The following OR2L13 variants were observed in gnomAD, a reference collection of about 807,000 sequenced individuals.
The protein encoded by OR2L13 is olfactory receptor 2L13.
In OR2L13, 14 loss-of-function variants were observed where a neutral mutation model predicts 15.3. The ratio of observed to expected loss-of-function variants is 0.91; its 90% CI spans 0.60 to 1.43. The LOEUF is 1.43. OR2L13 is among the 40% of genes most tolerant of loss of function. The pLI, the probability that OR2L13 is intolerant of heterozygous loss-of-function variation, is 0.00. For missense variants in OR2L13, 367 were observed against 387.9 expected, an observed-to-expected ratio of 0.95 and a Z score of 0.45; for synonymous variants, 152 against 142.9, an observed-to-expected ratio of 1.06 and a Z score of -0.45.
At chr1:248,017,141 A>C in the OR2L13 span, among the ~76,000 whole-genome samples, 1 of 152,172 alleles carries the variant, frequency 6.6e-6, no homozygotes, top group Non-Finnish European at 1.5e-5. Context: ...GCTGATGCCC[A>C]GGTATATACA....
chr1:248,078,950 A>G, the OR2L13 span, among the ~76,000 whole-genome samples: 4 of 152,310 alleles, frequency 2.6e-5, no homozygotes, highest in South Asian at 2.1e-4. Flanking sequence ...AGCACAGATC[A>G]TTGGTCTCCA....
At chr1:248,038,249 T>C in the OR2L13 span, 1 of 1,535,024 alleles carries the variant, frequency 6.5e-7, no homozygotes, top group Non-Finnish European at 9.0e-7. Flanking sequence ...CCCTTCAGGA[T>C]GGATTGTAGG....
the OR2L13 span, chr1:248,003,530 C>T: frequency 5.9e-5 from 95 of 1,612,196 alleles, no homozygotes; most frequent in Non-Finnish European, 7.6e-5. Context: ...CTATCTCATC[C>T]GCATGAGCAA....
chr1:248,099,358 T>G, exon 3 of OR2L13: 1 of 1,542,828 alleles, frequency 6.5e-7, no homozygotes, highest in Non-Finnish European at 8.9e-7. Context: ...CTTTCAACAG[T>G]TACAGCAGAA....
At chr1:247,947,344 A>G in the OR2L13 span, among the ~76,000 whole-genome samples, 1 of 152,214 alleles carries the variant, frequency 6.6e-6, no homozygotes, top group Non-Finnish European at 1.5e-5. Flanking sequence ...GTGTTTGCAC[A>G]CTGGGAATCT....
At chr1:247,986,033 C>CA in the OR2L13 span, among the ~76,000 whole-genome samples, 2 of 152,184 alleles carry the variant, frequency 1.3e-5, no homozygotes, top group East Asian at 3.9e-4. Context: ...GAGTAGATTG[C>CA]AAAAAATTTC....
At chr1:248,011,892 CA>C in the OR2L13 span, among the ~76,000 whole-genome samples, 1 of 152,102 alleles carries the variant, frequency 6.6e-6, no homozygotes, top group African/African-American at 2.4e-5. Flanking sequence ...TGCTCTTTTA[CA>C]AAAGACTTGA....
chr1:247,979,965 C>T, the OR2L13 span, among the ~76,000 whole-genome samples: 1 of 152,084 alleles, frequency 6.6e-6, no homozygotes, highest in Admixed American at 6.5e-5. Context: ...TGTATAAAAA[C>T]ATCAAATTGT....
the OR2L13 span, chr1:248,039,047 T>C: frequency 1.2e-5 from 19 of 1,613,942 alleles, no homozygotes; most frequent in East Asian, 2.2e-5. Context: ...CCTATGTACG[T>C]CCAAGATCCC....
the OR2L13 span, among the ~76,000 whole-genome samples, chr1:247,946,108 T>G: frequency 6.6e-6 from 1 of 152,208 alleles, no homozygotes; most frequent in Admixed American, 6.6e-5. Context: ...CATTTCTTTT[T>G]GATACTATTG....
At chr1:247,953,754 G>A in the OR2L13 span, among the ~76,000 whole-genome samples, 2 of 151,868 alleles carry the variant, frequency 1.3e-5, no homozygotes, top group Admixed American at 6.6e-5. Context: ...ATACTCTTTC[G>A]GTACCCTCCC....
At chr1:247,996,186 A>G in the OR2L13 span, among the ~76,000 whole-genome samples, 1 of 152,188 alleles carries the variant, frequency 6.6e-6, no homozygotes, top group Non-Finnish European at 1.5e-5. Context: ...TCCATGGGCA[A>G]TTGAACCCTG....
At chr1:247,990,264 T>C in the OR2L13 span, 1 of 875,232 alleles carries the variant, frequency 1.1e-6, no homozygotes, top group South Asian at 1.4e-5. Flanking sequence ...ATATGAATGC[T>C]CCATGGAAAA....
the OR2L13 span, chr1:248,003,151 A>T: frequency 1.4e-6 from 2 of 1,381,070 alleles, no homozygotes; most frequent in Non-Finnish European, 2.1e-6. Context: ...GCAATCAAAC[A>T]TCAACTGATT....
the OR2L13 span, among the ~76,000 whole-genome samples, chr1:248,015,377 C>T: frequency 1.3e-5 from 2 of 152,046 alleles, no homozygotes; most frequent in Admixed American, 6.6e-5. Context: ...GGAGGACACT[C>T]TTCTGTGTCA....
At chr1:247,991,244 T>C in the OR2L13 span, 1 of 1,360,944 alleles carries the variant, frequency 7.3e-7, no homozygotes, top group East Asian at 2.5e-5. Flanking sequence ...GCTAGGTTCA[T>C]ATCAACTCAG....
the OR2L13 span, among the ~76,000 whole-genome samples, chr1:247,996,832 A>C: frequency 6.6e-6 from 1 of 152,338 alleles, no homozygotes; most frequent in Admixed American, 6.5e-5. Flanking sequence ...TATTATGTTA[A>C]TAGCCAAGGT....
the OR2L13 span, among the ~76,000 whole-genome samples, chr1:248,007,923 A>G: frequency 6.6e-6 from 1 of 152,202 alleles, no homozygotes; most frequent in Non-Finnish European, 1.5e-5. Flanking sequence ...GTAGTGAAAT[A>G]ATTAAAGTAA....
the OR2L13 span, among the ~76,000 whole-genome samples, chr1:247,984,987 T>C: frequency 3.3e-5 from 5 of 152,318 alleles, no homozygotes. Flanking sequence ...ATACAATATT[T>C]GCCTCTTCAT....
Sources: gnomAD v4.1 joint callset for allele counts (sites outside exome capture counted in the v4.1 genomes callset) on GRCh38, gnomAD v4.1.1 for gene constraint, MANE v1.5 for transcripts, NCBI Gene and HGNC (gene_info 2026-07-23, HGNC 2026-07-21) for gene names.